Variants in CCDC33 observed in about 807,000 individuals in gnomAD.
CCDC33 encodes the protein coiled-coil domain containing 33, also known as coiled-coil domain-containing protein 33.
Under a neutral mutation model 91.9 loss-of-function variants are expected in CCDC33, and 94 were observed. The observed-to-expected ratio is 1.02, with a 90% CI of 0.87 to 1.21. CCDC33 has a LOEUF of 1.21. CCDC33 is among the 50% of genes most tolerant of loss of function. The pLI is 0.00. For missense variants in CCDC33, 940 were observed against 935.5 expected (o/e 1.00, Z -0.06); for synonymous variants, 396 against 374.5 (o/e 1.06, Z -0.66).
At chr15:74,210,067 G>A (rs549370198) in intron 2 of CCDC33, among the ~76,000 whole-genome samples, 1 of 152,300 alleles carries the variant, frequency 6.6e-6, no homozygotes, top group Non-Finnish European at 1.5e-5. Flanking sequence ...AGAGAGAGCA[G>A]CTCAAGCCGA....
In CCDC33 at chr15:74,248,308, GTATATATAT is replaced by G. The variant is rs201826228; in HGVS notation, c.185+4178_185+4186del. On this transcript the variant is annotated intron_variant, in intron 2 of 18. Coordinates refer to ENST00000398814, the MANE Select transcript of CCDC33 (RefSeq NM_025055.5). Reference sequence around the variant, plus strand: ...TGCCTCAATAAAACAGCGAAAATATGTATATATATTATATATATTATATATAAGTTTACA... The same window carrying G: ...TGCCTCAATAAAACAGCGAAAATATGTATATATATTATATATAAGTTTACA... Among the ~76,000 whole-genome samples, 230 of 143,312 alleles carry G rather than the reference GTATATATAT, an allele frequency of 1.6e-3. 2 individuals are homozygous for G. The highest frequency in any genetic ancestry group is 5.7e-3 in the African/African-American group (195 of 34,102). 94.0% of individuals were successfully genotyped at this position (143,312 alleles called of 152,430 possible).
chr15:74,295,645 C>T (rs2059670741), intron 10 of CCDC33, 109 bp from the exon 11 acceptor site: 1 of 916,752 alleles, frequency 1.1e-6, no homozygotes. Context: ...CCATGCAGGG[C>T]CTCCTGAGCC....
intron 11 of CCDC33, chr15:74,304,124 G>C (rs2059847574): frequency 6.6e-6 from 1 of 152,188 alleles, no homozygotes; most frequent in Non-Finnish European, 1.5e-5. Flanking sequence ...GTGTGACCTT[G>C]GATAAATCAC....
At chr15:74,211,153 GCACACACACACA>G (rs71137380) in intron 2 of CCDC33, among the ~76,000 whole-genome samples, 7 of 148,682 alleles carry the variant, frequency 4.7e-5, no homozygotes, top group African/African-American at 1.5e-4. Context: ...GCACGCACAC[GCACACACACACA>G]CACACACACA....
chr15:74,261,825 C>T (rs2076032366), intron 2 of CCDC33, among the ~76,000 whole-genome samples: 1 of 152,230 alleles, frequency 6.6e-6, no homozygotes, highest in African/African-American at 2.4e-5. Flanking sequence ...CCACCCCCTG[C>T]CCCCAGGCCT....
At chr15:74,232,075 G>C (rs911306789), upstream of CCDC33, among the ~76,000 whole-genome samples, 1 of 152,142 alleles carries the variant, frequency 6.6e-6, no homozygotes, top group African/African-American at 2.4e-5. Flanking sequence ...AGGATGAAAT[G>C]ACATGGCGCA....
intron 10 of CCDC33, 60 bp from the exon 11 acceptor site, chr15:74,295,694 T>C: frequency 2.1e-6 from 3 of 1,442,338 alleles, no homozygotes; most frequent in East Asian, 4.6e-5. Context: ...GGTGTGCTTA[T>C]GGTAGATGGG....
At chr15:74,295,634 G>C in intron 10 of CCDC33, 120 bp from the exon 11 acceptor site, 1 of 806,708 alleles carries the variant, frequency 1.2e-6, no homozygotes. Context: ...GCACGGGCCA[G>C]CCATGCAGGG....
At position 74,218,663 on chromosome 15, in the gene CCDC33, C is replaced by T; in HGVS notation, c.477C>T (p.Asp159=). 7.8e-7 allele frequency: 1 copy of T among 1,289,864 alleles called. No individual in the cohort carries two copies. Among genetic ancestry groups the T allele is most frequent in the South Asian group, 1.2e-5 (1 of 81,030 alleles). The allele number at this position is 1,289,864 out of a possible 1,614,324, so 79.9% of individuals were successfully genotyped here. The change falls in exon 2 of 3, where the codon GAC becomes GAT. Residue 159 remains aspartate (D), a synonymous_variant. Transcript: ENST00000635913. This position sits in a 1 kb window ranked among gnomAD's most constrained non-coding sequence, Gnocchi z 4.8. ...ACCCAAAGGCTCAGGATCACGAGGA[C>T]CTGTACCGCTACTGTGGCAACCTGG... is the stretch of plus-strand genomic sequence containing the variant.
At chr15:74,298,737 T>C (rs2142637600) in intron 11 of CCDC33, among the ~76,000 whole-genome samples, 1 of 115,458 alleles carries the variant, frequency 8.7e-6, no homozygotes, top group Non-Finnish European at 1.7e-5. Context: ...TTTTTGAGAC[T>C]GAGTCTCACT....
upstream of CCDC33, among the ~76,000 whole-genome samples, chr15:74,213,942 C>G (rs2074391482): frequency 6.6e-6 from 1 of 152,190 alleles, no homozygotes; most frequent in African/African-American, 2.4e-5. Context: ...TCTCTCTGCA[C>G]CTCAGATTCT....
At chr15:74,302,556 A>G (rs890525183) in intron 11 of CCDC33, 4 of 152,360 alleles carry the variant, frequency 2.6e-5, no homozygotes, top group African/African-American at 9.6e-5. Flanking sequence ...CTGGCCGTGT[A>G]GCAGAGACAC....
At chr15:74,330,421 T>G (rs2060406331) in intron 12 of CCDC33, 67 bp downstream of exon 12, 1 of 1,463,700 alleles carries the variant, frequency 6.8e-7, no homozygotes, top group Admixed American at 2.5e-5. Context: ...GGTTGTGCAA[T>G]AGGGTGGCTG....
rs1027847393 is a variant in CCDC33 at position 74,236,751 on chromosome 15, G to T, written c.21+11G>T. 3 of 1,613,650 alleles carry T rather than the reference G, an allele frequency of 1.9e-6. No individual in the cohort carries two copies. The highest frequency in any genetic ancestry group is 2.5e-6 in the Non-Finnish European group (3 of 1,179,742). ...CTGAAAAACAAAAAGGTAAGGCCAG[G>T]GGCATGGGCCATGCACCTGCATGAA... On this transcript the variant is annotated intron_variant, in intron 1 of 18. Transcript: ENST00000398814.
intron 10 of CCDC33, among the ~76,000 whole-genome samples, chr15:74,284,187 A>G (rs1287005705): frequency 2.6e-5 from 4 of 152,196 alleles, no homozygotes; most frequent in African/African-American, 9.7e-5. Context: ...TATTCCATGT[A>G]TATTTGATGA....
In CCDC33 at chr15:74,244,651, C is replaced by G. The variant is rs8033581; in HGVS notation, c.185+503C>G. ...TTCTGGGCCTTTAATGCACCCCACA[C>G]ACCCCCTCCAGCCAGCTGCTGTCAG... On this transcript the variant is annotated intron_variant, in intron 2 of 18. Transcript: ENST00000398814. This position sits in a 1 kb window ranked among gnomAD's most constrained non-coding sequence, Gnocchi z 4.2. Among the ~76,000 whole-genome samples the G allele has an allele frequency of 0.056, 8,585 of 152,070 alleles. 795 individuals carry two copies. The highest frequency in any genetic ancestry group is 0.2 in the African/African-American group (8,077 of 41,392).
intron 2 of CCDC33, among the ~76,000 whole-genome samples, chr15:74,247,015 G>A (rs2142289342): frequency 6.6e-6 from 1 of 152,038 alleles, no homozygotes; most frequent in South Asian, 2.1e-4. Flanking sequence ...CGTGGTAGCA[G>A]GCACCTGTAA....
At chr15:74,262,086 G>T (rs1168486660) in intron 2 of CCDC33, among the ~76,000 whole-genome samples, 1 of 152,138 alleles carries the variant, frequency 6.6e-6, no homozygotes, top group East Asian at 1.9e-4. Context: ...AGAGAAGAGG[G>T]AGGCCATGCA....
chr15:74,308,619 C>T (rs201605373), intron 11 of CCDC33, among the ~76,000 whole-genome samples: 2 of 152,120 alleles, frequency 1.3e-5, no homozygotes, highest in African/African-American at 4.8e-5. Context: ...GCGTTGCCCA[C>T]GGGGGACTAA....
Sources: gnomAD v4.1 joint callset for allele counts (sites outside exome capture counted in the v4.1 genomes callset) on GRCh38, gnomAD v4.1.1 for gene constraint, Gnocchi (gnomAD v3.1) non-coding constraint, MANE v1.5 for transcripts, NCBI Gene and HGNC (gene_info 2026-07-23, HGNC 2026-07-21) for gene names.